Variants in BRCA2 observed in about 807,000 individuals in gnomAD.
The protein encoded by BRCA2 is breast cancer type 2 susceptibility protein.
Under a neutral mutation model 276.7 loss-of-function variants are expected in BRCA2, and 203 were observed. That is an observed-to-expected ratio of 0.73 (90% CI 0.65 to 0.82). BRCA2 has a LOEUF of 0.82. Among genes scored for constraint, BRCA2 ranks in the 40% least tolerant of loss-of-function variants. The pLI is 0.00. For synonymous variants in BRCA2, 1,289 were observed against 1,338.4 expected (o/e 0.96, Z 0.81); for missense variants, 3,920 against 3,915.0 (o/e 1.00, Z -0.03).
rs148607710 is a variant in BRCA2, at chr13:32,332,645, G to A, written c.1167G>A (p.Pro389=). 66 of 1,613,958 alleles carry A rather than the reference G, an allele frequency of 4.1e-5. No individual in the cohort carries two copies. The highest frequency in any genetic ancestry group is 4.8e-5 in the Non-Finnish European group (57 of 1,179,988). The change falls in exon 10 of 27, where the codon CCG becomes CCA. Residue 389 remains proline (P), a synonymous_variant. Transcript: ENST00000380152. ...ACAAAATCTCCAAGGAAGTTGTACC[G>A]TCTTTGGCCTGTGAATGGTCTCAAC... ...GSDKISKEVV[P]SLACEWSQLT... is the part of the protein sequence containing the mutation.
intron 16 of BRCA2, among the ~76,000 whole-genome samples, chr13:32,359,222 G>GAAAA (rs67041705): frequency 6.0e-3 from 644 of 107,066 alleles, no homozygotes; most frequent in East Asian, 7.0e-3. Flanking sequence ...TCCATCTCAA[G>GAAAA]AAAAAAAAAA....
intron 24 of BRCA2, among the ~76,000 whole-genome samples, chr13:32,393,795 G>C (rs2073014221): frequency 6.6e-6 from 1 of 152,066 alleles, no homozygotes; most frequent in African/African-American, 2.4e-5. Context: ...ATGTCTAGTT[G>C]GATTTGTTTG....
At chr13:32,321,683 T>G (rs752614368) in intron 3 of BRCA2, among the ~76,000 whole-genome samples, 1 of 152,238 alleles carries the variant, frequency 6.6e-6, no homozygotes, top group Non-Finnish European at 1.5e-5. Flanking sequence ...GATTCAGTAT[T>G]GAAAAGTAAG....
intron 18 of BRCA2, among the ~76,000 whole-genome samples, chr13:32,366,057 A>G (rs535403051): frequency 1.3e-5 from 2 of 152,184 alleles, no homozygotes; most frequent in South Asian, 4.1e-4. Context: ...TTGTCTTTAA[A>G]TATTTTTACA....
intron 24 of BRCA2, among the ~76,000 whole-genome samples, chr13:32,382,381 G>A (rs1490053063): frequency 6.6e-6 from 1 of 152,194 alleles, no homozygotes; most frequent in East Asian, 1.9e-4. Flanking sequence ...AAATATAAAT[G>A]TAAATATAGG....
intron 18 of BRCA2, among the ~76,000 whole-genome samples, chr13:32,365,594 T>C (rs970242955): frequency 1.3e-4 from 20 of 152,072 alleles, no homozygotes; most frequent in African/African-American, 4.6e-4. Context: ...TTGGCCAGGC[T>C]GGTCTCATCC....
At position 32,336,924 on chromosome 13, in the gene BRCA2, C is replaced by T. The variant is rs767596766; in HGVS notation, c.2569C>T (p.Leu857=). Residue 857 remains leucine (L), a synonymous_variant, in exon 11 of 27, where the codon CTA becomes TTA. Coordinates refer to ENST00000380152, the MANE Select transcript of BRCA2 (RefSeq NM_000059.4). The part of the protein sequence containing the change: ...RKVQFNQNTN[L]RVIQKNQEET... The stretch of plus-strand genomic sequence containing the variant: ...GGTACAATTCAACCAAAACACAAAT[C>T]TAAGAGTAATCCAAAAAAATCAAGA... 6.2e-7 allele frequency: 1 copy of T among 1,600,124 alleles called. No individual in the cohort carries two copies. The highest frequency in any genetic ancestry group is 8.5e-7 in the Non-Finnish European group (1 of 1,176,692).
intron 2 of BRCA2, among the ~76,000 whole-genome samples, chr13:32,318,252 A>G (rs1474088261): frequency 6.6e-6 from 1 of 152,192 alleles, no homozygotes; most frequent in African/African-American, 2.4e-5. Context: ...CCATAGCGTT[A>G]TTATGAAAGT....
intron 16 of BRCA2, among the ~76,000 whole-genome samples, chr13:32,360,419 G>A (rs1206668925): frequency 6.6e-6 from 1 of 152,274 alleles, no homozygotes; most frequent in Admixed American, 6.5e-5. Flanking sequence ...GAGTGCAGTG[G>A]TGCAATCTCG....
At chr13:32,356,224 T>A (rs1328635327) in intron 14 of BRCA2, among the ~76,000 whole-genome samples, 1 of 151,518 alleles carries the variant, frequency 6.6e-6, no homozygotes, top group Non-Finnish European at 1.5e-5. Flanking sequence ...GTGTTTTTTT[T>A]ACTTTTATAT....
At position 32,332,928 on chromosome 13, in the gene BRCA2, G is replaced by C. The variant is rs2137471621; in HGVS notation, c.1450G>C (p.Val484Leu). 6.2e-7 allele frequency: 1 copy of C among 1,608,394 alleles called. No individual in the cohort carries two copies. Among genetic ancestry groups the C allele is most frequent in the Middle Eastern group, 1.7e-4 (1 of 6,014 alleles). The part of the protein sequence containing the change: ...LESHTDCILA[V>L]KQAISGTSPV... ...ATCTCATACAGACTGCATTCTTGCA[G>C]TAAAGCAGGCAATATCTGGAACTTC... is the stretch of plus-strand genomic sequence containing the variant. The change falls in exon 10 of 27, where the codon GTA becomes CTA. Residue 484 changes from valine (V) to leucine (L), a missense_variant. By Grantham distance (32) the Val-to-Leu change is conservative (BLOSUM62 1). Transcript: ENST00000380152.
chr13:32,368,001 C>CTTTTTTTTTTTTTTTTTTT (rs71071031), intron 18 of BRCA2, among the ~76,000 whole-genome samples: 1 of 50,728 alleles, frequency 2.0e-5, no homozygotes, highest in Non-Finnish European at 3.4e-5. Context: ...TCTTCTAATT[C>CTTTTTTTTTTTTTTTTTTT]TTTTTTTTTT....
chr13:32,388,063 C>T lies in BRCA2; in HGVS notation c.9257-6626C>T, dbSNP rs187910413. 1.3e-3 allele frequency among the ~76,000 whole-genome samples: 191 copies of T among 151,842 alleles called. No individual in the cohort carries two copies. The highest frequency in any genetic ancestry group is 4.3e-3 in the African/African-American group (179 of 41,354). On this transcript the variant is annotated intron_variant, in intron 24 of 26. Coordinates refer to ENST00000380152, the MANE Select transcript of BRCA2 (RefSeq NM_000059.4). ...TTTATTTCTTACAATCTCTTGTCTC[C>T]GCACACGAGAACACCCGCTAAGCCG...
Position 32,356,516 on chromosome 13 carries a change from C to T in BRCA2, c.7524C>T (p.Gly2508=), listed in dbSNP as rs1555286266. 6.2e-7 allele frequency: 1 copy of T among 1,614,214 alleles called. No individual in the cohort carries two copies. The highest frequency in any genetic ancestry group is 1.3e-5 in the African/African-American group (1 of 75,056). Residue 2508 remains glycine, a synonymous_variant, in exon 15 of 27, where the codon GGC becomes GGT. Coordinates refer to ENST00000380152, the MANE Select transcript of BRCA2 (RefSeq NM_000059.4). ...KQRQRVFPQP[G]SLYLAKTSTL... ...GGCAACGCGTCTTTCCACAGCCAGG[C>T]AGTCTGTATCTTGCAAAAACATCCA...
chr13:32,340,426 A>G lies in BRCA2; in HGVS notation c.6071A>G (p.Gln2024Arg), dbSNP rs80358845. 6.2e-7 allele frequency: 1 copy of G among 1,613,862 alleles called. No individual in the cohort carries two copies. Among genetic ancestry groups the G allele is most frequent in the South Asian group, 1.1e-5 (1 of 91,078 alleles). ...TTTAAAAGTAACGAACATTCAGACCAGCTCACAAGAGAAGAAAATACTGCT... is the reference window on the plus strand; with the variant it reads ...TTTAAAAGTAACGAACATTCAGACCGGCTCACAAGAGAAGAAAATACTGCT... The part of the protein sequence containing the change: ...VLFKSNEHSD[Q>R]LTREENTAIR... Residue 2024 changes from glutamine (Q) to arginine (R), a missense_variant, in exon 11 of 27, where the codon CAG (glutamine) becomes CGG (arginine). By Grantham distance (43) the Gln-to-Arg change is conservative (BLOSUM62 1). Transcript: ENST00000380152.
intron 24 of BRCA2, among the ~76,000 whole-genome samples, chr13:32,388,395 A>G (rs997402394): frequency 8.5e-5 from 13 of 152,176 alleles, no homozygotes; most frequent in African/African-American, 3.1e-4. Context: ...CTGGGATTAT[A>G]GGCTTGAGCC....
chr13:32,360,038 A>G (rs2072728333), intron 16 of BRCA2, among the ~76,000 whole-genome samples: 1 of 152,258 alleles, frequency 6.6e-6, no homozygotes, highest in Non-Finnish European at 1.5e-5. Flanking sequence ...GAAAGGTGGC[A>G]GAGAAAGTTG....
intron 13 of BRCA2, among the ~76,000 whole-genome samples, chr13:32,347,679 G>C (rs1182667848): frequency 1.3e-5 from 2 of 152,290 alleles, no homozygotes; most frequent in East Asian, 1.9e-4. Context: ...GTGAGACCTA[G>C]CTCCTTCCCA....
At chr13:32,351,137 C>T (rs2072647210) in intron 13 of BRCA2, among the ~76,000 whole-genome samples, 1 of 152,210 alleles carries the variant, frequency 6.6e-6, no homozygotes, top group African/African-American at 2.4e-5. Context: ...ACTTCCATGC[C>T]ATGGAATCTT....
Sources: allele counts gnomAD v4.1 joint callset (sites outside exome capture counted in the v4.1 genomes callset), GRCh38; gene constraint gnomAD v4.1.1; transcripts MANE v1.5; gene names NCBI Gene and HGNC (gene_info 2026-07-23, HGNC 2026-07-21).